Variants in ATPAF2 observed in about 807,000 individuals in gnomAD.
The protein encoded by ATPAF2 is ATP synthase mitochondrial F1 complex assembly factor 2.
In ATPAF2, 30 loss-of-function variants were observed where a neutral mutation model predicts 36.6. That is an observed-to-expected ratio of 0.82 (90% confidence interval 0.61 to 1.11). The LOEUF is 1.11. Ranked by LOEUF, ATPAF2 falls within the 50% of genes most tolerant of loss-of-function variation. ATPAF2 has a pLI of 0.00. For synonymous variants in ATPAF2, 140 were observed against 152.6 expected (o/e 0.92, Z 0.61); for missense variants, 321 against 372.3 (o/e 0.86, Z 1.13).
intron 1 of ATPAF2, among the ~76,000 whole-genome samples, chr17:18,030,319 TCAAA>T (rs1203444463): frequency 8.9e-3 from 296 of 33,440 alleles, no homozygotes; most frequent in Non-Finnish European, 0.011. Flanking sequence ...AGACTCCATC[TCAAA>T]AAAAAAAAAA....
At chr17:18,024,522 GA>G in intron 5 of ATPAF2, 101 bp downstream of exon 5, 1 of 955,566 alleles carries the variant, frequency 1.0e-6, no homozygotes, top group Non-Finnish European at 1.7e-6. Context: ...TCAGAAAGCT[GA>G]CTAGCTAAGG....
Position 18,028,353 on chromosome 17 carries a change from T to C in ATPAF2, c.203A>G (p.His68Arg), listed in dbSNP as rs774201376. 15 of 1,614,096 alleles carry C rather than the reference T, an allele frequency of 9.3e-6. No homozygotes were observed. The highest frequency in any genetic ancestry group is 1.3e-5 in the Non-Finnish European group (15 of 1,180,006). The change falls in exon 3 of 8, where the codon CAC (histidine) becomes CGC (arginine). Residue 68 changes from histidine to arginine, a missense_variant. By Grantham distance (29) the His-to-Arg change is conservative (BLOSUM62 0). Transcript: ENST00000474627. Reference sequence around the variant, plus strand: ...GGCTTGGGGAGTTTTCAGCTTCCTGTGGTCCAGGTTTATCTCAAAGCCACC... The same window carrying C: ...GGCTTGGGGAGTTTTCAGCTTCCTGCGGTCCAGGTTTATCTCAAAGCCACC... ...GEGGFEINLD[H>R]RKLKTPQAKL...
At chr17:18,029,354 G>A (rs1351533850) in intron 1 of ATPAF2, among the ~76,000 whole-genome samples, 3 of 152,224 alleles carry the variant, frequency 2.0e-5, no homozygotes, top group African/African-American at 7.2e-5. Context: ...AAGGAATTAT[G>A]CAGATTCCCT....
intron 7 of ATPAF2, 57 bp downstream of exon 7, chr17:18,021,066 C>A: frequency 6.4e-7 from 1 of 1,571,528 alleles, no homozygotes; most frequent in Non-Finnish European, 8.6e-7. Flanking sequence ...TAGCTGCTCC[C>A]CCAAAGTGAG....
chr17:18,027,217 T>C (rs2044560172), intron 3 of ATPAF2, among the ~76,000 whole-genome samples: 1 of 141,310 alleles, frequency 7.1e-6, no homozygotes, highest in Admixed American at 7.1e-5. Context: ...TTAGACTGTT[T>C]AAAAAAAAAA....
chr17:18,018,721 G>A (rs1416854217), intron 7 of ATPAF2, 35 bp from the exon 8 acceptor site: 1 of 1,613,468 alleles, frequency 6.2e-7, no homozygotes, highest in Admixed American at 1.7e-5. Flanking sequence ...CTGGGTGAGT[G>A]GCCAGTGCCT....
chr17:18,030,513 G>GAAA (rs747636000), intron 1 of ATPAF2, among the ~76,000 whole-genome samples: 8 of 77,544 alleles, frequency 1.0e-4, no homozygotes, highest in East Asian at 4.0e-4. Flanking sequence ...GTCTCTTGGG[G>GAAA]AAAAAAAAAA....
At chr17:18,030,555 C>A (rs2044615170) in intron 1 of ATPAF2, among the ~76,000 whole-genome samples, 1 of 146,294 alleles carries the variant, frequency 6.8e-6, no homozygotes, top group East Asian at 2.0e-4. Flanking sequence ...GTTAAAATTT[C>A]ATTAATTCAA....
At chr17:18,019,727 A>G (rs2044441587) in intron 7 of ATPAF2, among the ~76,000 whole-genome samples, 1 of 152,264 alleles carries the variant, frequency 6.6e-6, no homozygotes, top group Non-Finnish European at 1.5e-5. Flanking sequence ...AGGAACTCAG[A>G]ATCCACCATG....
chr17:18,016,032 C>A (rs566959966), downstream of ATPAF2: 7 of 1,610,428 alleles, frequency 4.3e-6, no homozygotes, highest in Non-Finnish European at 5.1e-6. Context: ...TAATGACACA[C>A]ACTTTCTCAT....
At chr17:18,016,637 T>C, downstream of ATPAF2, 1 of 1,613,562 alleles carries the variant, frequency 6.2e-7, no homozygotes, top group Non-Finnish European at 8.5e-7. Flanking sequence ...CAGAGCGAAC[T>C]GGACAACCTG....
At chr17:18,035,721 G>A (rs1268287304) in intron 1 of ATPAF2, among the ~76,000 whole-genome samples, 1 of 152,230 alleles carries the variant, frequency 6.6e-6, no homozygotes, top group Admixed American at 6.5e-5. Flanking sequence ...ATGAATGCAT[G>A]TGGCTGTGTT....
chr17:18,021,960 C>T, intron 5 of ATPAF2, 103 bp from the exon 6 acceptor site: 1 of 1,018,212 alleles, frequency 9.8e-7, no homozygotes, highest in Non-Finnish European at 1.5e-6. Context: ...CATGTGTGTG[C>T]ATTGGCCAAG....
intron 5 of ATPAF2, among the ~76,000 whole-genome samples, chr17:18,024,267 TCA>T (rs2044511022): frequency 6.6e-6 from 1 of 152,146 alleles, no homozygotes; most frequent in African/African-American, 2.4e-5. Context: ...ATTAGCCAAG[TCA>T]CACAGCTGAG....
At chr17:18,027,985 A>T in intron 3 of ATPAF2, 1 of 549,254 alleles carries the variant, frequency 1.8e-6, no homozygotes, top group South Asian at 2.1e-5. Context: ...AATGAAGGTG[A>T]CATCTGTCCT....
Position 18,022,745 on chromosome 17 carries a change from A to G in ATPAF2, c.504-888T>C, listed in dbSNP as rs74560335. Among the ~76,000 whole-genome samples, 803 of 152,096 alleles carry G rather than the reference A, an allele frequency of 5.3e-3. 5 individuals are homozygous for G. Among genetic ancestry groups the G allele is most frequent in the East Asian group, 0.031 (161 of 5,180 alleles). The stretch of plus-strand genomic sequence containing the variant: ...TACATTTTCAAGAATAATCATAACT[A>G]AATAAAACAGAAAAACACAATGGGG... On this transcript the variant is annotated intron_variant, in intron 5 of 7. Coordinates refer to ENST00000474627, the MANE Select transcript of ATPAF2 (RefSeq NM_145691.4).
Position 18,039,018 on chromosome 17 carries a change from C to G in ATPAF2, c.-5G>C, listed in dbSNP as rs1302806727. The G allele has an allele frequency of 2.5e-6, 4 of 1,596,636 alleles. No individual in the cohort carries two copies. Among genetic ancestry groups the G allele is most frequent in the African/African-American group, 1.3e-5 (1 of 74,520 alleles). On this transcript the variant is annotated 5_prime_UTR_variant, in exon 1 of 8. Coordinates refer to ENST00000474627, the MANE Select transcript of ATPAF2 (RefSeq NM_145691.4). The surrounding 1 kb of genome is among the most constrained non-coding windows in gnomAD (Gnocchi z 5.3). ...CCGGAGGCAGCTCCTCCACATCGCG[C>G]CCGAGGGTCTGGGAAGATGCGAGAC...
chr17:18,015,615 C>T (rs1197183216), downstream of ATPAF2: 1 of 159,056 alleles, frequency 6.3e-6, no homozygotes, highest in Admixed American at 6.1e-5. Context: ...GGGGTGAACA[C>T]CCATGAGTTT....
At chr17:18,036,454 T>C (rs1454676465) in intron 1 of ATPAF2, among the ~76,000 whole-genome samples, 1 of 151,814 alleles carries the variant, frequency 6.6e-6, no homozygotes, top group African/African-American at 2.4e-5. Flanking sequence ...TGGGCACCTG[T>C]AGTCCCAGCT....
Sources: gnomAD v4.1 joint callset for allele counts (sites outside exome capture counted in the v4.1 genomes callset) on GRCh38, gnomAD v4.1.1 for gene constraint, Gnocchi (gnomAD v3.1) non-coding constraint, MANE v1.5 for transcripts, NCBI Gene and HGNC (gene_info 2026-07-23, HGNC 2026-07-21) for gene names.